Variants in NRXN1 observed in about 807,000 individuals in gnomAD.
NRXN1 encodes the protein neurexin 1.
Under a neutral mutation model 150.9 loss-of-function variants are expected in NRXN1, and 39 were observed. The observed-to-expected ratio is 0.26, with a 90% CI of 0.20 to 0.34. NRXN1 has a LOEUF of 0.34. NRXN1 is among the 10% of genes least tolerant of loss of function. The pLI is 1.00. For missense variants in NRXN1, 1,815 were observed against 1,949.9 expected, an observed-to-expected ratio of 0.93 and a Z score of 1.30; for synonymous variants, 924 against 757.0, an observed-to-expected ratio of 1.22 and a Z score of -3.62.
chr2:50,598,716 G>GTATATATATGTATA (rs1553864400), intron 8 of NRXN1, among the ~76,000 whole-genome samples: 1 of 144,566 alleles, frequency 6.9e-6, no homozygotes, highest in South Asian at 2.1e-4. Context: ...ACATATATAT[G>GTATATATATGTATA]TATATATACA....
chr2:50,408,867 C>CTT (rs2082946991), intron 17 of NRXN1, among the ~76,000 whole-genome samples: 1 of 130,470 alleles, frequency 7.7e-6, no homozygotes, highest in Admixed American at 7.6e-5. Context: ...CTCTCTCTCT[C>CTT]TCTCTCTCAT....
chr2:50,080,001 A>C (rs1697709661), intron 19 of NRXN1, among the ~76,000 whole-genome samples: 1 of 152,114 alleles, frequency 6.6e-6, no homozygotes. Flanking sequence ...AATTTAAATA[A>C]TAAAGTTTTA....
intron 5 of NRXN1, among the ~76,000 whole-genome samples, chr2:50,757,293 G>A (rs1441859441): frequency 6.6e-6 from 1 of 151,774 alleles, no homozygotes; most frequent in Non-Finnish European, 1.5e-5. Context: ...CACAGAGAGT[G>A]AGGCATGTGC....
At chr2:51,001,225 T>A (rs1184943779) in intron 2 of NRXN1, among the ~76,000 whole-genome samples, 1 of 34,834 alleles carries the variant, frequency 2.9e-5, no homozygotes, top group Non-Finnish European at 5.0e-5. Context: ...AATGGTAGAT[T>A]CATGGGGTTG....
chr2:50,151,692 T>C (rs2058707161), intron 18 of NRXN1, among the ~76,000 whole-genome samples: 1 of 151,768 alleles, frequency 6.6e-6, no homozygotes, highest in Admixed American at 6.6e-5. Context: ...TGAGAATGAC[T>C]AAAAATGGGT....
At chr2:50,220,099 TAGAG>T (rs1385787812) in intron 18 of NRXN1, among the ~76,000 whole-genome samples, 1 of 145,386 alleles carries the variant, frequency 6.9e-6, no homozygotes, top group Non-Finnish European at 1.5e-5. Flanking sequence ...AAGGCAGACT[TAGAG>T]AGAAATATGA....
At chr2:50,086,845 A>AGGAG (rs1698851000) in intron 19 of NRXN1, among the ~76,000 whole-genome samples, 1 of 150,820 alleles carries the variant, frequency 6.6e-6, no homozygotes, top group African/African-American at 2.5e-5. Context: ...AGAGAGAGAG[A>AGGAG]GAGAGCGAGC....
chr2:50,439,904 T>G (rs1196947477), intron 17 of NRXN1, among the ~76,000 whole-genome samples: 1 of 151,968 alleles, frequency 6.6e-6, no homozygotes, highest in African/African-American at 2.4e-5. Context: ...TGTTACAGAT[T>G]AAAAGAATTA....
intron 5 of NRXN1, among the ~76,000 whole-genome samples, chr2:50,640,760 T>C (rs1339702948): frequency 6.6e-6 from 1 of 152,206 alleles, no homozygotes; most frequent in Non-Finnish European, 1.5e-5. Flanking sequence ...AATCCCTAAT[T>C]AGCTAAATTC....
chr2:50,087,838 A>G (rs1699011156), intron 19 of NRXN1, among the ~76,000 whole-genome samples: 1 of 152,172 alleles, frequency 6.6e-6, no homozygotes, highest in Non-Finnish European at 1.5e-5. Flanking sequence ...GAGCAGTACC[A>G]TTGGTCAATG....
intron 8 of NRXN1, among the ~76,000 whole-genome samples, chr2:50,571,782 A>T (rs1381209823): frequency 6.6e-6 from 1 of 152,184 alleles, no homozygotes; most frequent in Non-Finnish European, 1.5e-5. Context: ...CAACACAGAG[A>T]AAAGAAAACC....
At chr2:50,387,566 C>T (rs1472564644) in intron 17 of NRXN1, among the ~76,000 whole-genome samples, 1 of 151,896 alleles carries the variant, frequency 6.6e-6, no homozygotes, top group Non-Finnish European at 1.5e-5. Context: ...TTACTCATAC[C>T]TAAATAGAGA....
intron 8 of NRXN1, among the ~76,000 whole-genome samples, chr2:50,562,975 T>A (rs1669324693): frequency 6.6e-6 from 1 of 152,146 alleles, no homozygotes; most frequent in South Asian, 2.1e-4. Flanking sequence ...ATTATAAACA[T>A]CTCATGTAAT....
At chr2:49,942,589 A>ATATTATTATTATTATTATTATTATTAT (rs1553398763) in intron 22 of NRXN1, among the ~76,000 whole-genome samples, 2 of 149,112 alleles carry the variant, frequency 1.3e-5, no homozygotes, top group African/African-American at 2.5e-5. Context: ...AATGCAAACA[A>ATATTATTATTATTATTATTATTATTAT]TATTATTATT....
intron 21 of NRXN1, among the ~76,000 whole-genome samples, chr2:49,959,234 G>A (rs1675497168): frequency 6.6e-6 from 1 of 152,118 alleles, no homozygotes; most frequent in African/African-American, 2.4e-5. Context: ...GTTCCACTGA[G>A]TTGGCTGGGA....
chr2:50,450,011 T>C (rs887052989), intron 17 of NRXN1, among the ~76,000 whole-genome samples: 4 of 152,216 alleles, frequency 2.6e-5, no homozygotes, highest in Admixed American at 2.6e-4. Flanking sequence ...TGGATCTATT[T>C]GTCTCCAAAG....
chr2:49,946,130 G>A (rs1672848463), intron 21 of NRXN1, among the ~76,000 whole-genome samples: 1 of 152,154 alleles, frequency 6.6e-6, no homozygotes, highest in African/African-American at 2.4e-5. Flanking sequence ...TTGCTCTGAT[G>A]ACCAGTGATG....
intron 17 of NRXN1, among the ~76,000 whole-genome samples, chr2:50,447,535 A>G (rs1375602484): frequency 2.0e-5 from 3 of 146,742 alleles, no homozygotes; most frequent in Non-Finnish European, 4.5e-5. Flanking sequence ...GGTCGATCTG[A>G]AATCAAATTC....
At chr2:50,681,025 T>C (rs1314965825) in intron 5 of NRXN1, among the ~76,000 whole-genome samples, 1 of 152,176 alleles carries the variant, frequency 6.6e-6, no homozygotes, top group East Asian at 1.9e-4. Flanking sequence ...TCAAAATATA[T>C]CTTTGCATCA....
Sources: allele counts gnomAD v4.1 joint callset (sites outside exome capture counted in the v4.1 genomes callset), GRCh38; gene constraint gnomAD v4.1.1; transcripts MANE v1.5; gene names NCBI Gene and HGNC (gene_info 2026-07-23, HGNC 2026-07-21).